COX16: variants seen among roughly 807,000 people sequenced by gnomAD.
The protein encoded by COX16 is cytochrome c oxidase assembly factor COX16, also known as cytochrome c oxidase assembly protein COX16 homolog, mitochondrial.
In COX16, 12 loss-of-function variants were observed where a neutral mutation model predicts 15.4. That is an observed-to-expected ratio of 0.78 (90% CI 0.50 to 1.26). COX16 has a LOEUF of 1.26. Among genes scored for constraint, COX16 ranks in the 50% most tolerant of loss-of-function variants. The pLI, the probability that COX16 is intolerant of heterozygous loss-of-function variation, is 0.00. For missense variants in COX16, 124 were observed against 127.6 expected (o/e 0.97, Z 0.14); for synonymous variants, 46 against 41.1 (o/e 1.12, Z -0.46).
intron 2 of COX16, among the ~76,000 whole-genome samples, chr14:70,340,425 G>A (rs1288883685): frequency 1.3e-5 from 2 of 152,088 alleles, no homozygotes; most frequent in African/African-American, 2.4e-5. Context: ...CTGGGTTATT[G>A]GCACCACCAT....
chr14:70,350,295 G>A (rs1243918329), intron 1 of COX16, among the ~76,000 whole-genome samples: 1 of 152,164 alleles, frequency 6.6e-6, no homozygotes, highest in African/African-American at 2.4e-5. Context: ...TAGCAATTAC[G>A]TCAGACTAGG....
In COX16 at chr14:70,359,516, C is replaced by A. The variant is rs759798440; in HGVS notation, c.69+3G>T. ...TGCGGAAGATCCTCCTCACTCCACTCACCAACATGGGGACTCCATAGCCGA... is the reference window on the plus strand; with the variant it reads ...TGCGGAAGATCCTCCTCACTCCACTAACCAACATGGGGACTCCATAGCCGA... On this transcript the variant is annotated splice_donor_region_variant and intron_variant, in intron 1 of 3. Coordinates refer to ENST00000389912, the MANE Select transcript of COX16 (RefSeq NM_016468.7). 6.2e-7 allele frequency: 1 copy of A among 1,613,812 alleles called. No homozygotes were observed. The highest frequency in any genetic ancestry group is 2.2e-5 in the East Asian group (1 of 44,890).
Position 70,326,157 on chromosome 14 carries a change from G to A in COX16, c.*176C>T, listed in dbSNP as rs1416583882. 1 of 382,194 alleles carries A rather than the reference G, an allele frequency of 2.6e-6. No homozygotes were observed. Among genetic ancestry groups the A allele is most frequent in the Non-Finnish European group, 4.4e-6 (1 of 227,318 alleles). 23.7% of individuals were successfully genotyped at this position (382,194 alleles called of 1,614,324 possible). A position where few individuals can be genotyped will look rare whatever the true frequency, so the allele number is the denominator to read the frequency against. Reference sequence around the variant, plus strand: ...TTTCATCCACAGATGGAATAGCTGGGAAGTATAAAAACCTGTACATGACCT... The same window carrying A: ...TTTCATCCACAGATGGAATAGCTGGAAAGTATAAAAACCTGTACATGACCT... On this transcript the variant is annotated 3_prime_UTR_variant, in exon 4 of 4. Coordinates refer to ENST00000389912, the MANE Select transcript of COX16 (RefSeq NM_016468.7).
intron 1 of COX16, among the ~76,000 whole-genome samples, chr14:70,352,600 TACTC>T (rs72343769): frequency 0.079 from 12,007 of 151,172 alleles, 571 homozygotes; most frequent in African/African-American, 0.12. Context: ...TTATGTGCAC[TACTC>T]ACTCATACAT....
At chr14:70,326,520 A>AACTC (rs763734252) in intron 3 of COX16, 71 bp from the exon 4 acceptor site, 1 of 1,194,742 alleles carries the variant, frequency 8.4e-7, no homozygotes, top group Non-Finnish European at 1.1e-6. Flanking sequence ...GGACACAACT[A>AACTC]ACTCAATGAA....
intron 1 of COX16, among the ~76,000 whole-genome samples, chr14:70,345,476 T>G (rs1886750567): frequency 6.6e-6 from 1 of 152,090 alleles, no homozygotes; most frequent in Non-Finnish European, 1.5e-5. Context: ...GGTCCTCCAT[T>G]CCAAACAACA....
chr14:70,351,533 C>T (rs547650685), intron 1 of COX16, among the ~76,000 whole-genome samples: 7 of 152,258 alleles, frequency 4.6e-5, no homozygotes, highest in African/African-American at 1.4e-4. Context: ...TCTTGATTTT[C>T]TTCTTTACTT....
At chr14:70,355,352 T>C (rs1887094235) in intron 1 of COX16, among the ~76,000 whole-genome samples, 1 of 152,222 alleles carries the variant, frequency 6.6e-6, no homozygotes, top group African/African-American at 2.4e-5. Flanking sequence ...CTTGATTGTT[T>C]CCTCCTGTAT....
chr14:70,335,060 A>G (rs1034805719), intron 2 of COX16, among the ~76,000 whole-genome samples: 5 of 152,212 alleles, frequency 3.3e-5, no homozygotes, highest in African/African-American at 9.6e-5. Context: ...AGCTATACTT[A>G]TATCAGATAA....
At chr14:70,339,986 G>A (rs971666972) in intron 2 of COX16, among the ~76,000 whole-genome samples, 13 of 152,046 alleles carry the variant, frequency 8.6e-5, no homozygotes, top group South Asian at 6.2e-4. Flanking sequence ...ATCTTGTTCC[G>A]TTTACTTTGA....
intron 1 of COX16, among the ~76,000 whole-genome samples, chr14:70,350,660 C>T (rs570514984): frequency 6.6e-6 from 1 of 152,338 alleles, no homozygotes; most frequent in Non-Finnish European, 1.5e-5. Context: ...TTACACCTAA[C>T]TATACGTGTT....
intron 1 of COX16, among the ~76,000 whole-genome samples, chr14:70,353,473 T>C (rs1032093351): frequency 1.2e-4 from 17 of 144,378 alleles, no homozygotes; most frequent in Non-Finnish European, 2.3e-4. Flanking sequence ...TATATATATA[T>C]ACATACACAC....
At chr14:70,356,858 G>GA (rs1464096203) in intron 1 of COX16, among the ~76,000 whole-genome samples, 1 of 152,018 alleles carries the variant, frequency 6.6e-6, no homozygotes, top group African/African-American at 2.4e-5. Flanking sequence ...ATTTACCTAA[G>GA]AAAAATGCCT....
intron 1 of COX16, among the ~76,000 whole-genome samples, chr14:70,350,510 C>T (rs891642445): frequency 1.3e-5 from 2 of 152,204 alleles, no homozygotes; most frequent in Admixed American, 1.3e-4. Flanking sequence ...TCACCTCTCA[C>T]CTCATATTGA....
At chr14:70,352,902 A>C (rs1049691954) in intron 1 of COX16, among the ~76,000 whole-genome samples, 1 of 152,176 alleles carries the variant, frequency 6.6e-6, no homozygotes, top group African/African-American at 2.4e-5. Flanking sequence ...AAGAAATCTC[A>C]TGAAATTTAC....
intron 1 of COX16, among the ~76,000 whole-genome samples, chr14:70,344,618 G>A (rs1284501907): frequency 6.6e-6 from 1 of 152,212 alleles, no homozygotes; most frequent in South Asian, 2.1e-4. Flanking sequence ...GACACCTGTA[G>A]ATTTCCCTGA....
At chr14:70,332,929 C>A (rs1168193933) in intron 2 of COX16, among the ~76,000 whole-genome samples, 1 of 152,244 alleles carries the variant, frequency 6.6e-6, no homozygotes, top group Non-Finnish European at 1.5e-5. Context: ...TACCTTGGAT[C>A]TTCCACAGAT....
At chr14:70,339,423 C>CT (rs1886558061) in intron 2 of COX16, among the ~76,000 whole-genome samples, 1 of 152,126 alleles carries the variant, frequency 6.6e-6, no homozygotes, top group South Asian at 2.1e-4. Context: ...GGATGCCAAA[C>CT]TTTCAGTACA....
At chr14:70,328,072 A>ATTTTTTTTTTTGTTTTTTTTTT (rs1886143939) in intron 3 of COX16, 1 of 80,840 alleles carries the variant, frequency 1.2e-5, no homozygotes. Flanking sequence ...TGAGAATAAG[A>ATTTTTTTTTTTGTTTTTTTTTT]TTTTTTTTTT....
Sources: allele counts gnomAD v4.1 joint callset (sites outside exome capture counted in the v4.1 genomes callset), GRCh38; gene constraint gnomAD v4.1.1; transcripts MANE v1.5; gene names NCBI Gene and HGNC (gene_info 2026-07-23, HGNC 2026-07-21).